SLC6A16: variants seen among roughly 807,000 people sequenced by gnomAD.
The protein encoded by SLC6A16 is solute carrier family 6 member 16.
Under a neutral mutation model 65.4 loss-of-function variants are expected in SLC6A16, and 54 were observed. The ratio of observed to expected loss-of-function variants is 0.83; its 90% CI spans 0.66 to 1.04. The LOEUF (loss-of-function observed/expected upper bound fraction) is 1.04, where lower values mean the gene tolerates loss of function less well. SLC6A16 is among the 50% of genes least tolerant of loss of function. SLC6A16 has a pLI of 0.00. For missense variants in SLC6A16, 816 were observed against 914.0 expected, an observed-to-expected ratio of 0.89 and a Z score of 1.38; for synonymous variants, 330 against 346.5, an observed-to-expected ratio of 0.95 and a Z score of 0.53.
chr19:49,312,437 T>C (rs1970540548), intron 1 of SLC6A16: 1 of 455,648 alleles, frequency 2.2e-6, no homozygotes, highest in Non-Finnish European at 2.9e-6. Flanking sequence ...CTGACTTTAT[T>C]ATCTATTGAT....
At chr19:49,334,435 T>A in the SLC6A16 span, among the ~76,000 whole-genome samples, 1 of 151,972 alleles carries the variant, frequency 6.6e-6, no homozygotes, top group African/African-American at 2.4e-5. Flanking sequence ...TGCAGTGAGC[T>A]ATGATCGCAC....
intron 7 of SLC6A16, among the ~76,000 whole-genome samples, chr19:49,297,043 A>G (rs2146082720): frequency 6.6e-6 from 1 of 152,310 alleles, no homozygotes; most frequent in Middle Eastern, 3.4e-3. Context: ...CTGAGGATGT[A>G]AAAAGCTCAA....
upstream of SLC6A16, among the ~76,000 whole-genome samples, chr19:49,325,934 C>A (rs770868612): frequency 6.6e-6 from 1 of 151,538 alleles, no homozygotes; most frequent in African/African-American, 2.4e-5. Flanking sequence ...GAGGCCAAGG[C>A]GGGTGGATCA....
At chr19:49,335,441 C>T in the SLC6A16 span, 21 of 874,866 alleles carry the variant, frequency 2.4e-5, no homozygotes, top group East Asian at 1.7e-4. The surrounding 1 kb of genome is among the most constrained non-coding windows in gnomAD (Gnocchi z 4.6). Flanking sequence ...CTCAGCTCTC[C>T]GTCTCTCTTT....
chr19:49,337,174 G>A, the SLC6A16 span: 1 of 1,614,150 alleles, frequency 6.2e-7, no homozygotes. Flanking sequence ...GCTCCTGTTT[G>A]CCACACAGAT....
intron 1 of SLC6A16, among the ~76,000 whole-genome samples, chr19:49,319,209 T>C (rs1158866103): frequency 6.7e-6 from 1 of 149,964 alleles, no homozygotes; most frequent in Non-Finnish European, 1.5e-5. Context: ...TGTGAGACAA[T>C]ATCAAATGGC....
At chr19:49,335,653 G>A in the SLC6A16 span, 31 of 1,609,040 alleles carry the variant, frequency 1.9e-5, no homozygotes, top group East Asian at 4.5e-5. This position sits in a 1 kb window ranked among gnomAD's most constrained non-coding sequence, Gnocchi z 4.6. Context: ...AGCCCCTGCC[G>A]CTAACCCAGC....
intron 7 of SLC6A16, 59 bp downstream of exon 7, chr19:49,308,817 G>A (rs762468953): frequency 1.2e-5 from 20 of 1,602,844 alleles, no homozygotes; most frequent in Non-Finnish European, 1.7e-5. Context: ...TTAAGGTTAG[G>A]GTCTCAGGGT....
intron 1 of SLC6A16, among the ~76,000 whole-genome samples, chr19:49,314,050 C>T (rs1440103174): frequency 6.6e-6 from 1 of 151,228 alleles, no homozygotes; most frequent in East Asian, 1.9e-4. Flanking sequence ...GAGCTGAGAT[C>T]ACGCCACTAC....
chr19:49,290,563 C>T (rs1484153023), intron 11 of SLC6A16, 42 bp downstream of exon 11: 57 of 1,606,156 alleles, frequency 3.5e-5, no homozygotes, highest in Non-Finnish European at 4.9e-5. Flanking sequence ...AAAGGTCTGG[C>T]CCCTACTCCC....
Position 49,300,807 on chromosome 19 carries a change from T to C in SLC6A16, c.1230-6254A>G, listed in dbSNP as rs368925145. ...TGGCTCATGCCTGTAATCCCAGCAC[T>C]TTGGGAGGTTGAGGCGGGAGGATCA... On this transcript the variant is annotated intron_variant, in intron 7 of 11. Transcript: ENST00000335875. Among the ~76,000 whole-genome samples the C allele has an allele frequency of 1.4e-4, 21 of 152,212 alleles. No individual in the cohort carries two copies. The East Asian group carries it at 3.7e-3, about 27-fold the overall frequency.
Position 49,309,727 on chromosome 19 carries a change from C to A in SLC6A16, c.800G>T (p.Ser267Ile). Residue 267 changes from serine (S) to isoleucine (I), a missense_variant, in exon 5 of 12, where the codon AGT becomes ATT. By Grantham distance (142) the Ser-to-Ile change is moderately radical. Coordinates refer to ENST00000335875, the MANE Select transcript of SLC6A16 (RefSeq NM_014037.3). ...GCAAAGAAAGAAGGGCAGGACCAGACTGTAGACTGGTGACCCGCCATCCTC... is the reference window on the plus strand; with the variant it reads ...GCAAAGAAAGAAGGGCAGGACCAGAATGTAGACTGGTGACCCGCCATCCTC... ...RIEDGGSPVY[S>I]LVLPFFLCWC... is the part of the protein sequence containing the mutation. 1.2e-6 allele frequency: 2 copies of A among 1,614,112 alleles called. No homozygotes were observed. The highest frequency in any genetic ancestry group is 1.7e-6 in the Non-Finnish European group (2 of 1,179,988).
chr19:49,326,108 T>G (rs1226591179), upstream of SLC6A16, among the ~76,000 whole-genome samples: 1 of 150,852 alleles, frequency 6.6e-6, no homozygotes. Context: ...AGGCAGAGGT[T>G]GCAATGAGCC....
Position 49,293,272 on chromosome 19 carries a change from C to T in SLC6A16, c.1729G>A (p.Val577Ile), listed in dbSNP as rs200823180. The change falls in exon 10 of 12, where the codon GTT (valine) becomes ATT (isoleucine). Residue 577 changes from valine to isoleucine, a missense_variant. Val to Ile is a conservative substitution (Grantham distance 29, BLOSUM62 3). Coordinates refer to ENST00000335875, the MANE Select transcript of SLC6A16 (RefSeq NM_014037.3). The stretch of plus-strand genomic sequence containing the variant: ...ACAGCCATGGTTTCAAATACGACAA[C>T]GACGATGATGGGGAAGACTATCCAG... ...DYWIVFPIIV[V>I]VVFETMAVSW... The T allele has an allele frequency of 1.4e-5, 22 of 1,613,952 alleles. No homozygotes were observed. Among genetic ancestry groups the T allele is most frequent in the African/African-American group, 2.7e-5 (2 of 74,870 alleles).
intron 7 of SLC6A16, among the ~76,000 whole-genome samples, chr19:49,295,328 C>T (rs1477911150): frequency 1.3e-5 from 2 of 151,524 alleles, no homozygotes; most frequent in East Asian, 1.9e-4. Flanking sequence ...TGCAGTGAGC[C>T]GAGATCGCAC....
chr19:49,307,879 G>A (rs1007385082), intron 7 of SLC6A16, among the ~76,000 whole-genome samples: 1 of 151,002 alleles, frequency 6.6e-6, no homozygotes, highest in Non-Finnish European at 1.5e-5. Flanking sequence ...TCAGTTACCA[G>A]TTAGCACAAG....
At chr19:49,316,836 G>T (rs942280688) in intron 1 of SLC6A16, among the ~76,000 whole-genome samples, 2 of 144,028 alleles carry the variant, frequency 1.4e-5, no homozygotes, top group Non-Finnish European at 3.0e-5. Context: ...CCTTGACAAT[G>T]CAGTGAAAAC....
At chr19:49,338,921 C>A in the SLC6A16 span, 1 of 1,612,838 alleles carries the variant, frequency 6.2e-7, no homozygotes. The surrounding 1 kb of genome is among the most constrained non-coding windows in gnomAD (Gnocchi z 5.0). Flanking sequence ...CTGCAGAGAG[C>A]CACATCTACC....
chr19:49,311,160 G>C lies in SLC6A16; in HGVS notation c.188C>G (p.Thr63Ser). The change falls in exon 2 of 12, where the codon ACC (threonine) becomes AGC (serine). Residue 63 changes from threonine to serine, a missense_variant. Transcript: ENST00000335875. ...AARVAEAQAR[T>S]SQPKQISVLE... ...TACAGAAATTTGCTTGGGCTGACTG[G>C]TCCTGGCCTGAGCCTCTGCAACCCG... 2 of 1,614,140 alleles carry C rather than the reference G, an allele frequency of 1.2e-6. No individual in the cohort carries two copies. The highest frequency in any genetic ancestry group is 1.7e-6 in the Non-Finnish European group (2 of 1,180,026).
Sources: allele counts gnomAD v4.1 joint callset (sites outside exome capture counted in the v4.1 genomes callset), GRCh38; gene constraint gnomAD v4.1.1; non-coding constraint Gnocchi (gnomAD v3.1); transcripts MANE v1.5; gene names NCBI Gene and HGNC (gene_info 2026-07-23, HGNC 2026-07-21).